The following LDLRAP1 variants were observed in gnomAD, a reference collection of about 807,000 sequenced individuals.
LDLRAP1 encodes the protein low density lipoprotein receptor adapter protein 1.
In LDLRAP1, 30 loss-of-function variants were observed where a neutral mutation model predicts 37.8. The ratio of observed to expected loss-of-function variants is 0.79; its 90% CI spans 0.59 to 1.08. LDLRAP1 has a LOEUF of 1.08. Among genes scored for constraint, LDLRAP1 ranks in the 50% least tolerant of loss-of-function variants. The pLI is 0.00. For missense variants in LDLRAP1, 375 were observed against 401.6 expected (o/e 0.93, Z 0.57); for synonymous variants, 156 against 169.8 (o/e 0.92, Z 0.63).
intron 4 of LDLRAP1, among the ~76,000 whole-genome samples, chr1:25,560,206 GT>G (rs1306148553): frequency 6.6e-6 from 1 of 152,018 alleles, no homozygotes; most frequent in African/African-American, 2.4e-5. Context: ...GAATCAGGAT[GT>G]TGAGGGCCTT....
chr1:25,566,343 G>A (rs750247431), intron 8 of LDLRAP1, among the ~76,000 whole-genome samples: 2 of 152,260 alleles, frequency 1.3e-5, no homozygotes, highest in South Asian at 2.1e-4. Flanking sequence ...AAAGCTCCTC[G>A]TAAACACCTC....
rs2043857077 is a variant in LDLRAP1 at position 25,543,717 on chromosome 1, G to C, written c.19G>C (p.Ala7Pro). The C allele has an allele frequency of 8.2e-7, 1 of 1,214,508 alleles. No individual in the cohort carries two copies. The highest frequency in any genetic ancestry group is 1.6e-5 in the African/African-American group (1 of 63,566). The allele number at this position is 1,214,508 out of a possible 1,614,324, so 75.2% of individuals were successfully genotyped here. A position where few individuals can be genotyped will look rare whatever the true frequency, so the allele number is the denominator to read the frequency against. ...GCGGGCCATGGACGCGCTCAAGTCGGCGGGGCGGGCGCTGATCCGGAGCCC... is the reference window on the plus strand; with the variant it reads ...GCGGGCCATGGACGCGCTCAAGTCGCCGGGGCGGGCGCTGATCCGGAGCCC... MDALKSAGRALIRSPSL... is the reference protein window; with the variant it reads MDALKSPGRALIRSPSL... Residue 7 changes from alanine (A) to proline (P), a missense_variant, in exon 1 of 9, where the codon GCG (alanine) becomes CCG (proline). Transcript: ENST00000374338.
At chr1:25,549,250 G>A (rs1356466541) in intron 1 of LDLRAP1, among the ~76,000 whole-genome samples, 1 of 152,202 alleles carries the variant, frequency 6.6e-6, no homozygotes, top group Non-Finnish European at 1.5e-5. Context: ...CCAGGTCAGG[G>A]CAGAGCTTGA....
chr1:25,561,617 G>A (rs1257820146), intron 4 of LDLRAP1, among the ~76,000 whole-genome samples: 2 of 152,114 alleles, frequency 1.3e-5, no homozygotes, highest in African/African-American at 2.4e-5. Flanking sequence ...CTATAGCTAC[G>A]AACTCTGGGA....
chr1:25,578,322 G>A, the LDLRAP1 span, among the ~76,000 whole-genome samples: 1 of 152,212 alleles, frequency 6.6e-6, no homozygotes. Context: ...GAGAGGGTTT[G>A]TCAGACAACT....
chr1:25,557,137 C>T lies in LDLRAP1; in HGVS notation c.345-16C>T, dbSNP rs780626748. 7 of 1,600,950 alleles carry T rather than the reference C, an allele frequency of 4.4e-6. No homozygotes were observed. The East Asian group carries it at 1.1e-4, about 26-fold the overall frequency. On this transcript the variant is annotated splice_polypyrimidine_tract_variant and intron_variant, in intron 3 of 8. Transcript: ENST00000374338. ...CCCTGTGCCAGGTCTGGTGATGCTT[C>T]CTCCTTGCCTTTCAGGATCTCCTAT...
At chr1:25,559,403 G>C (rs1040483947) in intron 4 of LDLRAP1, among the ~76,000 whole-genome samples, 2 of 152,120 alleles carry the variant, frequency 1.3e-5, no homozygotes, top group African/African-American at 2.4e-5. Context: ...ACACAGACTT[G>C]AGTGAAATCA....
rs945444043 is a variant in LDLRAP1, at chr1:25,544,345, C to A, written c.88+559C>A. Reference sequence around the variant, plus strand: ...AGGTGTGAGCCCGGGGTCGCAGGTACGTACTTGAAATTGGGAACGAGGCCC... The same window carrying A: ...AGGTGTGAGCCCGGGGTCGCAGGTAAGTACTTGAAATTGGGAACGAGGCCC... On this transcript the variant is annotated intron_variant, in intron 1 of 8. Coordinates refer to ENST00000374338, the MANE Select transcript of LDLRAP1 (RefSeq NM_015627.3). This position sits in a 1 kb window ranked among gnomAD's most constrained non-coding sequence, Gnocchi z 4.8. 6.6e-6 allele frequency among the ~76,000 whole-genome samples: 1 copy of A among 152,160 alleles called. No homozygotes were observed.
chr1:25,581,643 G>C, the LDLRAP1 span: 5 of 152,380 alleles, frequency 3.3e-5, no homozygotes, highest in African/African-American at 1.2e-4. Flanking sequence ...TTGAGGAGTG[G>C]GACCGGCAGA....
chr1:25,546,862 G>A (rs1180103818), intron 1 of LDLRAP1, among the ~76,000 whole-genome samples: 1 of 151,840 alleles, frequency 6.6e-6, no homozygotes, highest in Non-Finnish European at 1.5e-5. Flanking sequence ...GCTATCATTA[G>A]TATTAGTATA....
At chr1:25,546,945 C>T (rs1356853282) in intron 1 of LDLRAP1, among the ~76,000 whole-genome samples, 1 of 151,998 alleles carries the variant, frequency 6.6e-6, no homozygotes, top group Non-Finnish European at 1.5e-5. Flanking sequence ...CTGTGGCTTA[C>T]AGTCTGGTGC....
At chr1:25,565,248 C>T (rs746806524) in intron 8 of LDLRAP1, 41 bp downstream of exon 8, 21 of 1,610,946 alleles carry the variant, frequency 1.3e-5, no homozygotes, top group East Asian at 6.7e-5. Flanking sequence ...GCCTGGTGTG[C>T]GTGGGCTGGC....
At chr1:25,557,002 G>C in intron 3 of LDLRAP1, 151 bp from the exon 4 acceptor site, 1 of 716,570 alleles carries the variant, frequency 1.4e-6, no homozygotes, top group South Asian at 1.5e-5. Context: ...TAGGTACCCA[G>C]CCTGGAGGCC....
downstream of LDLRAP1, among the ~76,000 whole-genome samples, chr1:25,570,185 C>T (rs1209706985): frequency 6.6e-6 from 1 of 152,178 alleles, no homozygotes; most frequent in Non-Finnish European, 1.5e-5. Context: ...ACTAAGAAAT[C>T]CTCCCCTTTC....
the LDLRAP1 span, among the ~76,000 whole-genome samples, chr1:25,587,996 C>T: frequency 4.1e-4 from 62 of 152,280 alleles, 1 homozygote; most frequent in Middle Eastern, 0.014. Context: ...ACCCTGTGCT[C>T]CCTGAAACAA....
chr1:25,587,548 A>G, the LDLRAP1 span, among the ~76,000 whole-genome samples: 1 of 152,102 alleles, frequency 6.6e-6, no homozygotes, highest in African/African-American at 2.4e-5. Flanking sequence ...CAACAAACCA[A>G]CCGTTAACCT....
At position 25,563,086 on chromosome 1, in the gene LDLRAP1, C is replaced by T. The variant is rs1557708701; in HGVS notation, c.549C>T (p.Asp183=). ...QVSKEEKEKR[D]KASQEGGDVL... is the part of the protein sequence containing the mutation. ...GTCCTGCAGAGAAAGAGAAGAGGGA[C>T]AAAGCCAGCCAAGAGGGAGGGGACG... Residue 183 remains aspartate, a synonymous_variant, in exon 6 of 9, where the codon GAC becomes GAT. Coordinates refer to ENST00000374338, the MANE Select transcript of LDLRAP1 (RefSeq NM_015627.3). The T allele has an allele frequency of 6.2e-7, 1 of 1,614,034 alleles. No homozygotes were observed. The highest frequency in any genetic ancestry group is 1.3e-5 in the African/African-American group (1 of 75,002).
At chr1:25,569,716 G>A (rs1274315177), downstream of LDLRAP1, among the ~76,000 whole-genome samples, 1 of 152,342 alleles carries the variant, frequency 6.6e-6, no homozygotes, top group Admixed American at 6.5e-5. Flanking sequence ...ACTATGTGCC[G>A]GGTGTTGTGC....
intron 8 of LDLRAP1, among the ~76,000 whole-genome samples, chr1:25,565,938 G>C (rs943609397): frequency 1.3e-5 from 2 of 152,168 alleles, no homozygotes; most frequent in African/African-American, 4.8e-5. Context: ...CAGAGTCAGG[G>C]TCTTTGCCCT....
Sources: gnomAD v4.1 joint callset for allele counts (sites outside exome capture counted in the v4.1 genomes callset) on GRCh38, gnomAD v4.1.1 for gene constraint, Gnocchi (gnomAD v3.1) non-coding constraint, MANE v1.5 for transcripts, NCBI Gene and HGNC (gene_info 2026-07-23, HGNC 2026-07-21) for gene names.